VPS8: variants seen among roughly 807,000 people sequenced by gnomAD.
VPS8 encodes the protein VPS8 subunit of CORVET complex, also known as vacuolar protein sorting-associated protein 8 homolog.
A neutral mutation model predicts 216.4 loss-of-function variants in VPS8; 129 were observed. The observed-to-expected ratio is 0.60, with a 90% CI of 0.52 to 0.69. VPS8 has a LOEUF of 0.69. Among genes scored for constraint, VPS8 ranks in the 30% least tolerant of loss-of-function variants. VPS8 has a pLI of 0.00. For synonymous variants in VPS8, 571 were observed against 565.4 expected (o/e 1.01, Z -0.14); for missense variants, 1,531 against 1,683.5 (o/e 0.91, Z 1.59).
intron 38 of VPS8, 57 bp downstream of exon 38, chr3:184,964,614 T>C (rs1007532965): frequency 3.7e-5 from 42 of 1,143,254 alleles, no homozygotes; most frequent in Non-Finnish European, 4.9e-5. Flanking sequence ...TATTCATTCA[T>C]GAATCCATCT....
At chr3:184,877,201 C>T (rs570995557) in intron 21 of VPS8, among the ~76,000 whole-genome samples, 118 of 152,280 alleles carry the variant, frequency 7.7e-4, no homozygotes, top group African/African-American at 2.8e-3. Flanking sequence ...AATTGTCCCC[C>T]AGATTAACTC....
At chr3:185,021,670 C>A (rs1756680880) in intron 45 of VPS8, among the ~76,000 whole-genome samples, 1 of 152,184 alleles carries the variant, frequency 6.6e-6, no homozygotes, top group Non-Finnish European at 1.5e-5. Context: ...TCTGCTCAAT[C>A]TGAAAGGACA....
chr3:185,022,270 A>C (rs1756770196), intron 45 of VPS8, among the ~76,000 whole-genome samples: 2 of 152,212 alleles, frequency 1.3e-5, no homozygotes, highest in African/African-American at 4.8e-5. Flanking sequence ...GAACTGAGTC[A>C]ATTAAACCTC....
intron 44 of VPS8, among the ~76,000 whole-genome samples, chr3:184,997,746 A>G (rs1296101393): frequency 2.0e-5 from 3 of 152,224 alleles, no homozygotes; most frequent in South Asian, 2.1e-4. Context: ...GATATTTTAT[A>G]TAGGTTGGTC....
At chr3:185,045,933 A>C (rs1260204315) in intron 46 of VPS8, among the ~76,000 whole-genome samples, 1 of 152,206 alleles carries the variant, frequency 6.6e-6, no homozygotes, top group Non-Finnish European at 1.5e-5. Context: ...TGGGGCTCTC[A>C]GAGATCATCA....
rs1260031999 is a variant in VPS8, at chr3:184,924,516, C to CAA, written c.2455-335_2455-334dup. Among the ~76,000 whole-genome samples the CAA allele has an allele frequency of 9.5e-3, 1,315 of 138,906 alleles. 20 individuals are homozygous for CAA. The highest frequency in any genetic ancestry group is 0.033 in the African/African-American group (1,281 of 38,496). 91.1% of individuals were successfully genotyped at this position (138,906 alleles called of 152,430 possible). ...TGGGCAACAGAACGAGACTCCATCT[C>CAA]AAAAAAAAAAAATTAGTTGTAGAAG... On this transcript the variant is annotated intron_variant, in intron 29 of 47. Transcript: ENST00000625842.
intron 7 of VPS8, among the ~76,000 whole-genome samples, chr3:184,842,800 G>A (rs1321857721): frequency 6.6e-6 from 1 of 152,030 alleles, no homozygotes; most frequent in Non-Finnish European, 1.5e-5. Flanking sequence ...GATGTTTATT[G>A]CCTCTTCTTA....
At chr3:184,863,154 T>C (rs1193688894) in intron 16 of VPS8, 87 bp downstream of exon 16, 5 of 1,493,726 alleles carry the variant, frequency 3.3e-6, no homozygotes, top group Non-Finnish European at 4.5e-6. Context: ...ATAGGAACTC[T>C]GGGGAGTTAC....
intron 46 of VPS8, among the ~76,000 whole-genome samples, chr3:185,043,252 G>T (rs1353777803): frequency 6.6e-6 from 1 of 152,166 alleles, no homozygotes; most frequent in East Asian, 1.9e-4. Flanking sequence ...ATTTTAATAT[G>T]TCTAAACTTC....
At chr3:184,972,509 A>G (rs766239531) in intron 40 of VPS8, among the ~76,000 whole-genome samples, 29 of 152,228 alleles carry the variant, frequency 1.9e-4, no homozygotes, top group Non-Finnish European at 3.8e-4. Context: ...GTTGCACACT[A>G]GAGTCACCTG....
intron 46 of VPS8, among the ~76,000 whole-genome samples, chr3:185,037,121 C>T (rs1759029906): frequency 6.6e-6 from 1 of 150,758 alleles, no homozygotes; most frequent in Non-Finnish European, 1.5e-5. Flanking sequence ...TGCTTTCATG[C>T]CAAAGAAATT....
At chr3:184,826,684 A>G (rs570139699) in intron 3 of VPS8, among the ~76,000 whole-genome samples, 58 of 152,370 alleles carry the variant, frequency 3.8e-4, no homozygotes, top group Non-Finnish European at 7.1e-4. Context: ...GGTTTGTATT[A>G]TGTGTTGCTA....
intron 27 of VPS8, 111 bp downstream of exon 27, chr3:184,915,164 A>G: frequency 7.3e-7 from 1 of 1,374,812 alleles, no homozygotes; most frequent in Non-Finnish European, 1.0e-6. Context: ...CACCTGTTGC[A>G]GGAGAGAGCT....
At chr3:184,936,711 T>G (rs1368268349) in intron 35 of VPS8, among the ~76,000 whole-genome samples, 1 of 152,048 alleles carries the variant, frequency 6.6e-6, no homozygotes, top group African/African-American at 2.4e-5. Context: ...TCTCCCATTT[T>G]CTTTTGCTGT....
intron 21 of VPS8, among the ~76,000 whole-genome samples, chr3:184,872,804 T>G (rs1728585038): frequency 6.6e-6 from 1 of 151,952 alleles, no homozygotes; most frequent in Non-Finnish European, 1.5e-5. Flanking sequence ...ATGGGCACAA[T>G]CACATGGCTA....
chr3:184,994,207 T>A (rs1193697127), intron 43 of VPS8, 144 bp downstream of exon 43: 4 of 564,670 alleles, frequency 7.1e-6, no homozygotes, highest in Non-Finnish European at 1.2e-5. Flanking sequence ...TGTATTTCTT[T>A]TAGTTTTTCT....
intron 47 of VPS8, among the ~76,000 whole-genome samples, chr3:185,050,911 G>A (rs1266837900): frequency 6.6e-6 from 1 of 152,202 alleles, no homozygotes; most frequent in Non-Finnish European, 1.5e-5. Context: ...CCCAACTACT[G>A]TTATTAGGGA....
intron 34 of VPS8, 138 bp downstream of exon 34, chr3:184,930,706 C>T (rs1417243941): frequency 3.2e-6 from 2 of 626,122 alleles, no homozygotes; most frequent in Admixed American, 5.3e-5. Flanking sequence ...TGTAATTATT[C>T]TACCTCATAT....
At chr3:184,971,266 A>G (rs1748355328) in intron 39 of VPS8, among the ~76,000 whole-genome samples, 1 of 152,236 alleles carries the variant, frequency 6.6e-6, no homozygotes, top group Non-Finnish European at 1.5e-5. Flanking sequence ...AGAGAGACCT[A>G]AAATAGCATC....
Sources: allele counts gnomAD v4.1 joint callset (sites outside exome capture counted in the v4.1 genomes callset), GRCh38; gene constraint gnomAD v4.1.1; transcripts MANE v1.5; gene names NCBI Gene and HGNC (gene_info 2026-07-23, HGNC 2026-07-21).